ADAMTSL1: variants seen among roughly 807,000 people sequenced by gnomAD.
ADAMTSL1 encodes ADAMTS like 1, also known as ADAMTS-like protein 1.
A neutral mutation model predicts 201.8 loss-of-function variants in ADAMTSL1; 126 were observed. That is an observed-to-expected ratio of 0.62 (90% CI 0.54 to 0.72). The LOEUF (loss-of-function observed/expected upper bound fraction) is 0.72. Among genes scored for constraint, ADAMTSL1 ranks in the 30% least tolerant of loss-of-function variants. The probability of loss-of-function intolerance (pLI) is 0.00; values close to 1 mark genes in which losing one functional copy is unlikely to be tolerated. For missense variants in ADAMTSL1, 2,679 were observed against 2,277.8 expected, an observed-to-expected ratio of 1.18 and a Z score of -3.59; for synonymous variants, 1,121 against 903.4, an observed-to-expected ratio of 1.24 and a Z score of -4.32.
intron 2 of ADAMTSL1, among the ~76,000 whole-genome samples, chr9:18,235,210 T>C (rs1399009227): frequency 2.0e-5 from 3 of 152,214 alleles, no homozygotes; most frequent in African/African-American, 7.2e-5. Context: ...ATTCATGACC[T>C]TAACGATTTG....
chr9:18,140,601 G>T (rs534891318), intron 1 of ADAMTSL1, among the ~76,000 whole-genome samples: 62 of 152,294 alleles, frequency 4.1e-4, no homozygotes, highest in African/African-American at 1.5e-3. Flanking sequence ...CAAAATTCTA[G>T]ACTCCCAGAA....
intron 2 of ADAMTSL1, among the ~76,000 whole-genome samples, chr9:18,181,613 C>G (rs938311339): frequency 6.6e-6 from 1 of 152,064 alleles, no homozygotes; most frequent in Non-Finnish European, 1.5e-5. Flanking sequence ...TTTAGAATGG[C>G]GATCATTAAA....
intron 1 of ADAMTSL1, among the ~76,000 whole-genome samples, chr9:18,119,623 T>C (rs1409400449): frequency 6.6e-6 from 1 of 152,108 alleles, no homozygotes. Flanking sequence ...TTCTTTAGTA[T>C]GATGTACTAC....
intron 1 of ADAMTSL1, among the ~76,000 whole-genome samples, chr9:18,153,147 A>C (rs944187171): frequency 6.6e-6 from 1 of 152,076 alleles, no homozygotes; most frequent in Non-Finnish European, 1.5e-5. Context: ...TTGAGCTTGC[A>C]GTCAGCTATG....
chr9:18,001,089 C>A (rs1819593959), intron 1 of ADAMTSL1, among the ~76,000 whole-genome samples: 1 of 151,814 alleles, frequency 6.6e-6, no homozygotes, highest in African/African-American at 2.4e-5. Flanking sequence ...ATCAGGGAAG[C>A]AAAACCAGTA....
At chr9:18,212,579 A>C (rs1829918718) in intron 2 of ADAMTSL1, among the ~76,000 whole-genome samples, 1 of 152,200 alleles carries the variant, frequency 6.6e-6, no homozygotes, top group Non-Finnish European at 1.5e-5. Flanking sequence ...TGTTGTAATC[A>C]CCAGTAAAAT....
At chr9:18,781,305 T>C (rs1018938126) in intron 19 of ADAMTSL1, among the ~76,000 whole-genome samples, 4 of 152,084 alleles carry the variant, frequency 2.6e-5, no homozygotes, top group African/African-American at 9.7e-5. Context: ...GAACAAACAG[T>C]TTTTGCTGCC....
chr9:17,910,699 A>G lies in ADAMTSL1; in HGVS notation c.87+3777A>G, dbSNP rs575349480. 2.9e-5 allele frequency among the ~76,000 whole-genome samples: 2 copies of G among 68,920 alleles called. 1 individual carries two copies. The highest frequency in any genetic ancestry group is 2.0e-3 in the South Asian group (2 of 992). 45.2% of individuals were successfully genotyped at this position (68,920 alleles called of 152,430 possible). A position where few individuals can be genotyped will look rare whatever the true frequency, so the allele number is the denominator to read the frequency against. On this transcript the variant is annotated intron_variant, in intron 1 of 29. Transcript: ENST00000680146. ...GTAGATTGGTTCAGTATCCCGGTAAATGCAAAATGCCTTTGAGAGTTAACT... is the reference window on the plus strand; with the variant it reads ...GTAGATTGGTTCAGTATCCCGGTAAGTGCAAAATGCCTTTGAGAGTTAACT...
chr9:17,915,376 T>G (rs10810872), intron 1 of ADAMTSL1, among the ~76,000 whole-genome samples: 2 of 152,168 alleles, frequency 1.3e-5, no homozygotes, highest in African/African-American at 2.4e-5. Context: ...ATTCCTGTTA[T>G]AGCATGTATC....
chr9:18,435,370 G>C (rs1819680667), intron 2 of ADAMTSL1, among the ~76,000 whole-genome samples: 1 of 152,174 alleles, frequency 6.6e-6, no homozygotes, highest in Non-Finnish European at 1.5e-5. Flanking sequence ...ACTGCTCTGG[G>C]GATGTCATGG....
At position 18,777,874 on chromosome 9, in the gene ADAMTSL1, C is replaced by T. The variant is rs375712265; in HGVS notation, c.3645C>T (p.Ala1215=). ...IGHPRPTISW[A]RNGEEVQFSD... is the part of the protein sequence containing the mutation. ...ACCCAAGGCCTACCATCAGCTGGGC[C>T]AGGAATGGAGAAGAAGTTCAGTTCA... Residue 1215 remains alanine, a synonymous_variant, in exon 19 of 29, where the codon GCC becomes GCT. Coordinates refer to ENST00000380548, the MANE Select transcript of ADAMTSL1 (RefSeq NM_001040272.6). 2 of 1,562,022 alleles carry T rather than the reference C, an allele frequency of 1.3e-6. No homozygotes were observed. Among genetic ancestry groups the T allele is most frequent in the South Asian group, 1.2e-5 (1 of 83,442 alleles).
At chr9:18,081,404 C>T (rs759511157) in intron 1 of ADAMTSL1, among the ~76,000 whole-genome samples, 1 of 151,846 alleles carries the variant, frequency 6.6e-6, no homozygotes, top group Non-Finnish European at 1.5e-5. Context: ...TTATATTACT[C>T]TCACTTTATA....
chr9:18,591,000 C>A (rs754232937), intron 4 of ADAMTSL1, among the ~76,000 whole-genome samples: 1 of 152,072 alleles, frequency 6.6e-6, no homozygotes, highest in Non-Finnish European at 1.5e-5. Flanking sequence ...AGTATGTATT[C>A]TGTAGCAGTT....
At position 18,829,936 on chromosome 9, in the gene ADAMTSL1, G is replaced by C; in HGVS notation, c.4208G>C (p.Gly1403Ala). 1.2e-6 allele frequency: 2 copies of C among 1,613,688 alleles called. No individual in the cohort carries two copies. The highest frequency in any genetic ancestry group is 1.7e-6 in the Non-Finnish European group (2 of 1,179,802). ...NLPSVLTSPL[G>A]TQLVLDPGNS... ...CCTTCAGTGCTGACGTCTCCTCTGGGAACACAGCTGGTCCTGGATCCTGGG... is the reference window on the plus strand; with the variant it reads ...CCTTCAGTGCTGACGTCTCCTCTGGCAACACAGCTGGTCCTGGATCCTGGG... Residue 1403 changes from glycine to alanine, a missense_variant, in exon 23 of 29, where the codon GGA becomes GCA. By Grantham distance (60) the Gly-to-Ala change is moderately conservative (BLOSUM62 0). Coordinates refer to ENST00000380548, the MANE Select transcript of ADAMTSL1 (RefSeq NM_001040272.6).
chr9:18,210,221 C>G (rs1019987731), intron 2 of ADAMTSL1, among the ~76,000 whole-genome samples: 3 of 151,146 alleles, frequency 2.0e-5, no homozygotes, highest in Non-Finnish European at 2.9e-5. Context: ...TCTTTCCCTC[C>G]AAATATAAAG....
At chr9:17,928,413 T>C (rs969157719) in intron 1 of ADAMTSL1, among the ~76,000 whole-genome samples, 4 of 152,204 alleles carry the variant, frequency 2.6e-5, no homozygotes, top group Non-Finnish European at 5.9e-5. Context: ...TAGTTTCACA[T>C]TGGAAATCAG....
intron 2 of ADAMTSL1, among the ~76,000 whole-genome samples, chr9:18,257,681 A>T (rs1831741256): frequency 6.6e-6 from 1 of 152,196 alleles, no homozygotes; most frequent in Admixed American, 6.5e-5. Flanking sequence ...CTCTTTCTAG[A>T]TATATACCCC....
chr9:17,966,695 TG>T (rs1220056566), intron 1 of ADAMTSL1, among the ~76,000 whole-genome samples: 6 of 152,288 alleles, frequency 3.9e-5, no homozygotes, highest in Non-Finnish European at 8.8e-5. Flanking sequence ...AAAGGCCGAT[TG>T]GCCTTAATAT....
At chr9:18,130,047 T>C (rs1167338017) in intron 1 of ADAMTSL1, among the ~76,000 whole-genome samples, 2 of 152,116 alleles carry the variant, frequency 1.3e-5, no homozygotes, top group Non-Finnish European at 2.9e-5. Context: ...GGCACTGCCA[T>C]CCCCACTGCA....
Sources: gnomAD v4.1 joint callset for allele counts (sites outside exome capture counted in the v4.1 genomes callset) on GRCh38, gnomAD v4.1.1 for gene constraint, MANE v1.5 for transcripts, NCBI Gene and HGNC (gene_info 2026-07-23, HGNC 2026-07-21) for gene names.